The following SOX5 variants were observed in gnomAD, a reference collection of about 807,000 sequenced individuals.
SOX5 encodes SRY-box transcription factor 5.
SOX5 carries 9 observed loss-of-function variants against 92.0 expected under a neutral mutation model. The observed-to-expected ratio is 0.10, with a 90% CI of 0.06 to 0.17. The LOEUF is 0.17. SOX5 is among the 10% of genes least tolerant of loss of function. The pLI, the probability that SOX5 is intolerant of heterozygous loss-of-function variation, is 1.00. For synonymous variants in SOX5, 344 were observed against 336.3 expected, an observed-to-expected ratio of 1.02 and a Z score of -0.25; for missense variants, 642 against 944.5, an observed-to-expected ratio of 0.68 and a Z score of 4.20.
At chr12:24,195,000 A>G (rs1056123758) in intron 4 of SOX5, among the ~76,000 whole-genome samples, 1 of 152,106 alleles carries the variant, frequency 6.6e-6, no homozygotes, top group African/African-American at 2.4e-5. Flanking sequence ...AGATTCAGCT[A>G]TATTGTGGGG....
chr12:24,104,641 C>A (rs946480978), intron 4 of SOX5, among the ~76,000 whole-genome samples: 1 of 152,194 alleles, frequency 6.6e-6, no homozygotes, highest in Admixed American at 6.5e-5. Flanking sequence ...ATCTACTATT[C>A]TGCTTTCCCA....
chr12:24,227,757 G>C (rs926520647), intron 3 of SOX5: 5 of 152,146 alleles, frequency 3.3e-5, no homozygotes, highest in Admixed American at 1.3e-4. Context: ...GCTTTGCTAA[G>C]GGCAGATGAT....
At chr12:24,065,645 CAAA>C (rs71445983) in intron 4 of SOX5, among the ~76,000 whole-genome samples, 3,996 of 81,046 alleles carry the variant, frequency 0.049, 26 homozygotes, top group Admixed American at 0.064. Context: ...GACTCCATCT[CAAA>C]AAAAAAAAAA....
intron 4 of SOX5, among the ~76,000 whole-genome samples, chr12:24,117,799 C>T (rs979125890): frequency 6.6e-6 from 1 of 151,940 alleles, no homozygotes; most frequent in Non-Finnish European, 1.5e-5. Context: ...GTGGGCAGAG[C>T]ACTTGAGGCG....
chr12:23,869,033 C>T (rs762167521), intron 2 of SOX5, among the ~76,000 whole-genome samples: 18 of 152,020 alleles, frequency 1.2e-4, no homozygotes, highest in Non-Finnish European at 1.9e-4. Flanking sequence ...TTATAGGCTG[C>T]GTAACTTTAT....
At chr12:23,807,682 C>T (rs1001391500) in intron 3 of SOX5, among the ~76,000 whole-genome samples, 3 of 149,074 alleles carry the variant, frequency 2.0e-5, no homozygotes, top group Admixed American at 1.3e-4. Context: ...GCTGTGTTGC[C>T]CAGGCTGGGT....
intron 3 of SOX5, among the ~76,000 whole-genome samples, chr12:24,249,633 T>C (rs754285996): frequency 1.3e-5 from 2 of 152,182 alleles, no homozygotes; most frequent in African/African-American, 2.4e-5. Flanking sequence ...TTCACATACG[T>C]TGCCTCACAA....
chr12:23,884,143 T>C (rs941097315), intron 2 of SOX5, among the ~76,000 whole-genome samples: 21 of 152,202 alleles, frequency 1.4e-4, no homozygotes, highest in African/African-American at 5.1e-4. Context: ...CACCAGAAAG[T>C]TTTACGTGTC....
intron 2 of SOX5, among the ~76,000 whole-genome samples, chr12:23,877,230 C>G (rs1217175957): frequency 2.0e-5 from 3 of 151,190 alleles, no homozygotes; most frequent in African/African-American, 7.3e-5. Context: ...TTTTCTTTTC[C>G]TTTTTTTTGG....
At chr12:23,566,492 C>T (rs879889094) in intron 10 of SOX5, among the ~76,000 whole-genome samples, 2 of 152,204 alleles carry the variant, frequency 1.3e-5, no homozygotes, top group Non-Finnish European at 2.9e-5. Context: ...TTTTTCCTCA[C>T]TGCCTCCTCT....
intron 2 of SOX5, among the ~76,000 whole-genome samples, chr12:24,279,968 G>GGGTT (rs1944962117): frequency 6.6e-6 from 1 of 152,164 alleles, no homozygotes; most frequent in East Asian, 1.9e-4. Flanking sequence ...GAGAAAGAAG[G>GGGTT]GGTTAATCAT....
At chr12:23,891,632 A>G (rs1349407854) in intron 2 of SOX5, among the ~76,000 whole-genome samples, 1 of 152,116 alleles carries the variant, frequency 6.6e-6, no homozygotes, top group East Asian at 1.9e-4. Context: ...ATTGAACTCT[A>G]TGATATAAAG....
At chr12:24,419,330 G>A (rs1965552008) in intron 1 of SOX5, among the ~76,000 whole-genome samples, 1 of 152,100 alleles carries the variant, frequency 6.6e-6, no homozygotes, top group South Asian at 2.1e-4. Flanking sequence ...GTAGAGACAA[G>A]GCTTCACCAT....
At chr12:23,950,415 C>T (rs1036737422), upstream of SOX5, among the ~76,000 whole-genome samples, 2 of 152,158 alleles carry the variant, frequency 1.3e-5, no homozygotes, top group East Asian at 1.9e-4. Context: ...ACTGTTAGCT[C>T]GTGCTTTCCG....
At chr12:24,533,352 A>G (rs912987983) in intron 1 of SOX5, among the ~76,000 whole-genome samples, 6 of 152,178 alleles carry the variant, frequency 3.9e-5, no homozygotes, top group African/African-American at 1.4e-4. Context: ...CACATACACA[A>G]CGTATTTCTG....
chr12:24,494,516 A>C (rs544928170), intron 1 of SOX5, among the ~76,000 whole-genome samples: 1 of 152,230 alleles, frequency 6.6e-6, no homozygotes, highest in South Asian at 2.1e-4. Context: ...AGATATGGAA[A>C]GGTTACAAAA....
At chr12:23,920,521 G>A (rs1182586831) in intron 1 of SOX5, 1 of 152,190 alleles carries the variant, frequency 6.6e-6, no homozygotes, top group African/African-American at 2.4e-5. Context: ...TTAGGTCCAA[G>A]TTGAGTATAG....
intron 10 of SOX5, among the ~76,000 whole-genome samples, chr12:23,566,524 A>T (rs538983856): frequency 7.9e-5 from 12 of 152,276 alleles, no homozygotes; most frequent in African/African-American, 2.9e-4. Context: ...CCTGCCTGGG[A>T]TCCTTCCTTC....
At chr12:23,615,286 A>G (rs998132920) in intron 8 of SOX5, among the ~76,000 whole-genome samples, 1 of 152,110 alleles carries the variant, frequency 6.6e-6, no homozygotes, top group Non-Finnish European at 1.5e-5. Flanking sequence ...TTTTTAAAAA[A>G]AATTAAGCTG....
Sources: allele counts gnomAD v4.1 joint callset (sites outside exome capture counted in the v4.1 genomes callset), GRCh38; gene constraint gnomAD v4.1.1; transcripts MANE v1.5; gene names NCBI Gene and HGNC (gene_info 2026-07-23, HGNC 2026-07-21).